Variants in STON2 observed in about 807,000 individuals in gnomAD.
The protein encoded by STON2 is stonin-2.
In STON2, 29 loss-of-function variants were observed where a neutral mutation model predicts 65.7. The observed-to-expected ratio is 0.44, with a 90% CI of 0.33 to 0.60. The LOEUF (loss-of-function observed/expected upper bound fraction) is 0.60, where lower values mean the gene tolerates loss of function less well. Among genes scored for constraint, STON2 ranks in the 20% least tolerant of loss-of-function variants. The pLI, the probability that STON2 is intolerant of heterozygous loss-of-function variation, is 0.03. For synonymous variants in STON2, 404 were observed against 414.2 expected (o/e 0.98, Z 0.30); for missense variants, 1,054 against 1,118.1 (o/e 0.94, Z 0.82).
chr14:81,364,782 C>T (rs980078052), intron 4 of STON2, among the ~76,000 whole-genome samples: 9 of 152,130 alleles, frequency 5.9e-5, no homozygotes, highest in African/African-American at 2.2e-4. Flanking sequence ...TGGCCTCTTG[C>T]ATGGGACACA....
chr14:81,359,612 C>T (rs1420790521), intron 4 of STON2, among the ~76,000 whole-genome samples: 1 of 151,892 alleles, frequency 6.6e-6, no homozygotes, highest in African/African-American at 2.4e-5. Context: ...GAAAAGATAA[C>T]ATGGATGAAC....
chr14:81,410,277 CCAAA>C (rs1901085657), intron 2 of STON2, among the ~76,000 whole-genome samples: 1 of 38,940 alleles, frequency 2.6e-5, no homozygotes, highest in Non-Finnish European at 5.2e-5. Flanking sequence ...GTAACTCTAA[CCAAA>C]AAAAAAAAAA....
At chr14:81,339,662 G>A (rs376010535) in intron 4 of STON2, among the ~76,000 whole-genome samples, 18 of 152,130 alleles carry the variant, frequency 1.2e-4, no homozygotes, top group African/African-American at 3.9e-4. Context: ...AAGAAGGCCA[G>A]GCTAAAGTTT....
chr14:81,338,535 T>C (rs78728740), intron 4 of STON2, among the ~76,000 whole-genome samples: 1 of 152,110 alleles, frequency 6.6e-6, no homozygotes, highest in Admixed American at 6.5e-5. Context: ...TCTGTGAACC[T>C]CTCTAGCAAA....
chr14:81,346,449 C>T (rs1470630682), intron 4 of STON2, among the ~76,000 whole-genome samples: 1 of 152,044 alleles, frequency 6.6e-6, no homozygotes, highest in East Asian at 1.9e-4. Flanking sequence ...AACTCATTAG[C>T]TTGGACATTA....
chr14:81,297,908 A>G (rs551874791), intron 5 of STON2, among the ~76,000 whole-genome samples: 1 of 152,262 alleles, frequency 6.6e-6, no homozygotes, highest in East Asian at 1.9e-4. Context: ...TTTGGGGCGC[A>G]TGCCTGTACT....
chr14:81,265,674 A>C lies in STON2; in HGVS notation c.*2740T>G, dbSNP rs911829657. Reference sequence around the variant, plus strand: ...AATAATAATAATAATAATAATAATAATACTCTGTCTCAATAATAATAATAA... The same window carrying C: ...AATAATAATAATAATAATAATAATACTACTCTGTCTCAATAATAATAATAA... On this transcript the variant is annotated 3_prime_UTR_variant, in exon 8 of 8. Coordinates refer to ENST00000614646, the MANE Select transcript of STON2 (RefSeq NM_001394390.1). The C allele has an allele frequency of 6.6e-6, 4 of 606,518 alleles. No individual in the cohort carries two copies. Among genetic ancestry groups the C allele is most frequent in the Admixed American group, 6.5e-5 (1 of 15,498 alleles). The allele number at this position is 606,518 out of a possible 1,614,324, so 37.6% of individuals were successfully genotyped here.
chr14:81,415,134 C>G (rs532166805), intron 2 of STON2, among the ~76,000 whole-genome samples: 1 of 152,270 alleles, frequency 6.6e-6, no homozygotes, highest in East Asian at 1.9e-4. Flanking sequence ...TGCCCATGAC[C>G]TGCCTCCTAC....
chr14:81,428,862 A>G (rs953360405), intron 1 of STON2, among the ~76,000 whole-genome samples: 7 of 152,234 alleles, frequency 4.6e-5, no homozygotes, highest in Non-Finnish European at 1.0e-4. Context: ...AGGGCAGCCA[A>G]TGGAAGGACT....
intron 4 of STON2, among the ~76,000 whole-genome samples, chr14:81,367,640 T>C (rs78229788): frequency 6.6e-6 from 1 of 152,322 alleles, no homozygotes; most frequent in African/African-American, 2.4e-5. Context: ...TCTACCCTGA[T>C]AGCACACGTC....
At chr14:81,435,477 T>C (rs1025257320) in intron 1 of STON2, among the ~76,000 whole-genome samples, 6 of 152,156 alleles carry the variant, frequency 3.9e-5, no homozygotes, top group Non-Finnish European at 8.8e-5. Context: ...GGTGCAATCA[T>C]TATCGCCACC....
chr14:81,317,973 GGT>G (rs1306125032), intron 5 of STON2, among the ~76,000 whole-genome samples: 1 of 151,852 alleles, frequency 6.6e-6, no homozygotes, highest in African/African-American at 2.4e-5. Flanking sequence ...TTATTTTGGG[GGT>G]GTGTTTTTTA....
At chr14:81,320,710 T>A (rs1349038702) in intron 5 of STON2, among the ~76,000 whole-genome samples, 1 of 152,044 alleles carries the variant, frequency 6.6e-6, no homozygotes, top group African/African-American at 2.4e-5. Flanking sequence ...TTAAGAAGAC[T>A]GGATGACACT....
In STON2 at chr14:81,267,855, C is replaced by G. The variant is rs989685312; in HGVS notation, c.*559G>C. The G allele has an allele frequency of 1.0e-6, 1 of 985,302 alleles. No homozygotes were observed. The highest frequency in any genetic ancestry group is 1.2e-6 in the Non-Finnish European group (1 of 829,960). The allele number at this position is 985,302 out of a possible 1,614,324, so 61.0% of individuals were successfully genotyped here. On this transcript the variant is annotated 3_prime_UTR_variant, in exon 8 of 8. Transcript: ENST00000614646. ...CGATCTAGAGCCAGGAGGGAAATGT[C>G]TTGAAAGCTTAACAGTTAAAGAATG...
At chr14:81,275,224 T>C (rs2140112306) in intron 6 of STON2, among the ~76,000 whole-genome samples, 1 of 152,300 alleles carries the variant, frequency 6.6e-6, no homozygotes, top group African/African-American at 2.4e-5. Flanking sequence ...TTGTACATAC[T>C]GGAAAAACTG....
At chr14:81,364,060 A>C (rs1279949924) in intron 4 of STON2, among the ~76,000 whole-genome samples, 1 of 152,094 alleles carries the variant, frequency 6.6e-6, no homozygotes, top group Non-Finnish European at 1.5e-5. Flanking sequence ...CCAGGCTACA[A>C]CTCTCTACTC....
At chr14:81,270,285 A>C in intron 7 of STON2, 1 of 798,832 alleles carries the variant, frequency 1.3e-6, no homozygotes, top group Non-Finnish European at 1.6e-6. Context: ...GGGTTTCGCC[A>C]TGTTGGCCAG....
intron 3 of STON2, among the ~76,000 whole-genome samples, chr14:81,374,133 C>T (rs1293752799): frequency 6.7e-6 from 1 of 148,994 alleles, no homozygotes; most frequent in East Asian, 2.0e-4. Flanking sequence ...GCTTTAGCCT[C>T]CCAAGTAGCT....
chr14:81,400,470 G>T (rs1048161464), upstream of STON2, among the ~76,000 whole-genome samples: 4 of 64,582 alleles, frequency 6.2e-5, no homozygotes, highest in Non-Finnish European at 8.5e-5. Flanking sequence ...CAGCCCCACA[G>T]CACCCGTCAA....
Sources: gnomAD v4.1 joint callset for allele counts (sites outside exome capture counted in the v4.1 genomes callset) on GRCh38, gnomAD v4.1.1 for gene constraint, MANE v1.5 for transcripts, NCBI Gene and HGNC (gene_info 2026-07-23, HGNC 2026-07-21) for gene names.